Variants in RNF157 observed in about 807,000 individuals in gnomAD.
RNF157 encodes the protein E3 ubiquitin ligase RNF157.
A neutral mutation model predicts 88.3 loss-of-function variants in RNF157; 55 were observed. The ratio of observed to expected loss-of-function variants is 0.62; its 90% CI spans 0.50 to 0.78. RNF157 has a LOEUF of 0.78. Among genes scored for constraint, RNF157 ranks in the 30% least tolerant of loss-of-function variants. RNF157 has a pLI of 0.00. For synonymous variants in RNF157, 334 were observed against 341.2 expected, an observed-to-expected ratio of 0.98 and a Z score of 0.23; for missense variants, 788 against 860.8, an observed-to-expected ratio of 0.92 and a Z score of 1.06.
In RNF157 at chr17:76,146,718, G is replaced by C. The variant is rs778622725; in HGVS notation, c.1922-1365C>G. ...GCTAGGTCCTGGAGCTCCTCCATGG[G>C]ACAAAGCTCCTCCTGGGCAGGGGCC... is the stretch of plus-strand genomic sequence containing the variant. On this transcript the variant is annotated intron_variant, in intron 18 of 18. Transcript: ENST00000269391. The surrounding 1 kb of genome is among the most constrained non-coding windows in gnomAD (Gnocchi z 4.2). The C allele has an allele frequency of 1.6e-5, 16 of 985,358 alleles. No individual in the cohort carries two copies. The highest frequency in any genetic ancestry group is 1.7e-5 in the Non-Finnish European group (14 of 829,942). The allele number at this position is 985,358 out of a possible 1,614,324, so 61.0% of individuals were successfully genotyped here.
In RNF157 at chr17:76,168,441, T is replaced by C. The variant is rs532059352; in HGVS notation, c.297-644A>G. 3.9e-5 allele frequency among the ~76,000 whole-genome samples: 6 copies of C among 151,960 alleles called. No individual in the cohort carries two copies. The East Asian group carries it at 7.7e-4, about 20-fold the overall frequency. On this transcript the variant is annotated intron_variant, in intron 3 of 18. Transcript: ENST00000269391. ...AGTGCTCATCCTATTTTTTTTTTTTTCTTCCAGTTGCGTAGTTTCCTATGT... is the reference window on the plus strand; with the variant it reads ...AGTGCTCATCCTATTTTTTTTTTTTCCTTCCAGTTGCGTAGTTTCCTATGT...
intron 2 of RNF157, among the ~76,000 whole-genome samples, chr17:76,188,492 T>G (rs781619417): frequency 3.3e-5 from 5 of 152,158 alleles, no homozygotes; most frequent in Non-Finnish European, 7.3e-5. Flanking sequence ...GAAGAATAAA[T>G]AGGTGTCTTA....
At chr17:76,228,830 C>T (rs113599611) in intron 1 of RNF157, among the ~76,000 whole-genome samples, 3,891 of 151,810 alleles carry the variant, frequency 0.026, 188 homozygotes, top group African/African-American at 0.089. Flanking sequence ...CTGAGGCAGG[C>T]GGAGAATCAC....
At chr17:76,181,824 C>T (rs2069193001) in intron 2 of RNF157, among the ~76,000 whole-genome samples, 1 of 147,430 alleles carries the variant, frequency 6.8e-6, no homozygotes, top group African/African-American at 2.5e-5. Flanking sequence ...AGGAGAATCA[C>T]TTGAACCCAG....
At chr17:76,166,714 A>G (rs564531543) in intron 5 of RNF157, among the ~76,000 whole-genome samples, 187 bp from the exon 6 acceptor site, 37 of 152,230 alleles carry the variant, frequency 2.4e-4, no homozygotes, top group Non-Finnish European at 4.4e-4. Flanking sequence ...AATGTCATAG[A>G]TGTAAATAAG....
rs866417976 is a variant in RNF157, at chr17:76,202,154, A to T, written c.207+10210T>A. Among the ~76,000 whole-genome samples the T allele has an allele frequency of 4.1e-3, 626 of 151,992 alleles. 2 individuals are homozygous for T. Among genetic ancestry groups the T allele is most frequent in the Admixed American group, 8.1e-3 (124 of 15,262 alleles). On this transcript the variant is annotated intron_variant, in intron 2 of 18. Transcript: ENST00000269391. ...CACACACACACACACACACACACAC[A>T]CACACACACACACACACGTGCATGA...
chr17:76,202,128 T>TCTCACACACA (rs1250661867), intron 2 of RNF157, among the ~76,000 whole-genome samples: 21 of 134,600 alleles, frequency 1.6e-4, no homozygotes, highest in African/African-American at 3.8e-4. Flanking sequence ...TCTCTCTCTC[T>TCTCACACACA]CACACACACA....
intron 2 of RNF157, among the ~76,000 whole-genome samples, chr17:76,209,607 A>C (rs1375769905): frequency 6.6e-6 from 1 of 151,868 alleles, no homozygotes; most frequent in African/African-American, 2.4e-5. Context: ...GACATCCCTG[A>C]TTTACTTATT....
At chr17:76,230,362 G>A (rs1175816558) in intron 1 of RNF157, among the ~76,000 whole-genome samples, 1 of 152,220 alleles carries the variant, frequency 6.6e-6, no homozygotes, top group South Asian at 2.1e-4. Context: ...CACTTCTCTG[G>A]TCACCCAGGC....
At chr17:76,171,337 T>C (rs2069011348) in intron 3 of RNF157, among the ~76,000 whole-genome samples, 1 of 152,062 alleles carries the variant, frequency 6.6e-6, no homozygotes, top group African/African-American at 2.4e-5. Context: ...TACAGATGCG[T>C]GCCACCATGT....
At chr17:76,154,080 C>A (rs1010401963) in intron 17 of RNF157, 11 of 576,658 alleles carry the variant, frequency 1.9e-5, no homozygotes, top group Non-Finnish European at 3.1e-5. Flanking sequence ...GGCTCTGAGG[C>A]CCAGAAAGAG....
chr17:76,167,231 G>T (rs777004876), intron 4 of RNF157, 105 bp from the exon 5 acceptor site: 1 of 847,126 alleles, frequency 1.2e-6, no homozygotes, highest in Non-Finnish European at 1.9e-6. Context: ...AGGGTCTAGC[G>T]AAGAGAAGAA....
chr17:76,158,657 T>A (rs907031706), intron 12 of RNF157, 156 bp from the exon 13 acceptor site: 3 of 605,466 alleles, frequency 5.0e-6, no homozygotes, highest in African/African-American at 3.7e-5. Flanking sequence ...CTGGGACTCC[T>A]GGGCTTCAGC....
intron 18 of RNF157, among the ~76,000 whole-genome samples, chr17:76,148,327 C>T (rs560754794): frequency 8.3e-5 from 11 of 132,608 alleles, no homozygotes; most frequent in African/African-American, 1.8e-4. Context: ...AGTGCAGTGG[C>T]GTGACCTCGG....
chr17:76,179,284 C>T (rs2069152819), intron 2 of RNF157, among the ~76,000 whole-genome samples: 1 of 151,998 alleles, frequency 6.6e-6, no homozygotes, highest in African/African-American at 2.4e-5. Flanking sequence ...GTCCCAGCTA[C>T]TCAGAAGGCT....
Position 76,159,357 on chromosome 17 carries a change from TGAG to T in RNF157, c.1279_1281del (p.Leu427del). 1 of 1,613,456 alleles carries T rather than the reference TGAG, an allele frequency of 6.2e-7. No individual in the cohort carries two copies. The highest frequency in any genetic ancestry group is 1.1e-5 in the South Asian group (1 of 90,892). On this transcript the variant is annotated inframe_deletion, in exon 12 of 19. Transcript: ENST00000269391. ...CACTTGGAGAGACTCTTTTTGAGTT[TGAG>T]TCCCTGACTGCTGCTGTCAGACAGG...
intron 2 of RNF157, among the ~76,000 whole-genome samples, chr17:76,200,772 T>C (rs1016670214): frequency 3.3e-5 from 5 of 152,208 alleles, no homozygotes; most frequent in African/African-American, 1.2e-4. Flanking sequence ...ATATTCATCC[T>C]CTAGTTCTTT....
At chr17:76,175,713 T>C (rs988830078) in intron 2 of RNF157, 2 of 971,430 alleles carry the variant, frequency 2.1e-6, no homozygotes, top group Middle Eastern at 5.3e-4. Flanking sequence ...CATTTTCATT[T>C]GTACAGGTAC....
At position 76,167,946 on chromosome 17, in the gene RNF157, A is replaced by G. The variant is rs1163370155; in HGVS notation, c.297-149T>C. 11 of 777,968 alleles carry G rather than the reference A, an allele frequency of 1.4e-5. No homozygotes were observed. In the East Asian group the frequency reaches 2.4e-4, roughly 17 times the overall value. 48.2% of individuals were successfully genotyped at this position (777,968 alleles called of 1,614,324 possible). A position where few individuals can be genotyped will look rare whatever the true frequency, so the allele number is the denominator to read the frequency against. On this transcript the variant is annotated intron_variant, in intron 3 of 18. Coordinates refer to ENST00000269391, the MANE Select transcript of RNF157 (RefSeq NM_052916.3). ...ATTCTGAATGATCACAGAGTGCTTC[A>G]TGACCCATGTTGCTGGGCATTCAGG... is the stretch of plus-strand genomic sequence containing the variant.
Sources: allele counts gnomAD v4.1 joint callset (sites outside exome capture counted in the v4.1 genomes callset), GRCh38; gene constraint gnomAD v4.1.1; non-coding constraint Gnocchi (gnomAD v3.1); transcripts MANE v1.5; gene names NCBI Gene and HGNC (gene_info 2026-07-23, HGNC 2026-07-21).